GRIK3: variants seen among roughly 807,000 people sequenced by gnomAD.
GRIK3 encodes the protein glutamate ionotropic receptor kainate type subunit 3.
GRIK3 carries 29 observed loss-of-function variants against 102.5 expected under a neutral mutation model. The ratio of observed to expected loss-of-function variants is 0.28; its 90% CI spans 0.21 to 0.39. The LOEUF is 0.39. Ranked by LOEUF, GRIK3 falls within the 10% of genes least tolerant of loss-of-function variation. The pLI, the probability that GRIK3 is intolerant of heterozygous loss-of-function variation, is 1.00. For missense variants in GRIK3, 908 were observed against 1,252.4 expected (o/e 0.73, Z 4.15); for synonymous variants, 511 against 504.9 (o/e 1.01, Z -0.16).
Position 36,890,962 on chromosome 1 carries a change from G to C in GRIK3, c.250C>G (p.Gln84Glu). 1 of 1,613,650 alleles carries C rather than the reference G, an allele frequency of 6.2e-7. No homozygotes were observed. The highest frequency in any genetic ancestry group is 8.5e-7 in the Non-Finnish European group (1 of 1,179,732). ...AAGCTGTCATGGAAGTGAATCCTCT[G>C]TATGTCATAGGTCAAGGTTGTGTTG... ...LPNTTLTYDI[Q>E]RIHFHDSFEA... Residue 84 changes from glutamine (Q) to glutamate (E), a missense_variant, in exon 2 of 16, where the codon CAG becomes GAG. Gln to Glu is a conservative substitution (Grantham distance 29). Transcript: ENST00000373091.
intron 1 of GRIK3, among the ~76,000 whole-genome samples, chr1:36,941,802 A>G (rs2279779): frequency 6.6e-6 from 1 of 152,056 alleles, no homozygotes; most frequent in Non-Finnish European, 1.5e-5. Flanking sequence ...TTTGCTCAAG[A>G]TCATGCAGCT....
intron 10 of GRIK3, among the ~76,000 whole-genome samples, chr1:36,841,453 A>G (rs1640447992): frequency 6.6e-6 from 1 of 152,216 alleles, no homozygotes; most frequent in Admixed American, 6.5e-5. Context: ...GAGCAAGTTC[A>G]TCAAAGATGC....
At chr1:36,808,269 T>C (rs1273800719) in intron 13 of GRIK3, among the ~76,000 whole-genome samples, 1 of 152,236 alleles carries the variant, frequency 6.6e-6, no homozygotes, top group East Asian at 1.9e-4. Context: ...CCCCAGATTC[T>C]CCTGTTGTAG....
intron 14 of GRIK3, 152 bp from the exon 15 acceptor site, chr1:36,805,389 C>T (rs183427473): frequency 2.4e-5 from 17 of 714,406 alleles, no homozygotes; most frequent in East Asian, 1.9e-4. Context: ...TTTAAATCGA[C>T]GCATGGTATC....
At chr1:36,939,420 A>G (rs749195201) in intron 1 of GRIK3, among the ~76,000 whole-genome samples, 3 of 152,236 alleles carry the variant, frequency 2.0e-5, no homozygotes, top group African/African-American at 4.8e-5. Flanking sequence ...CGTTGACACA[A>G]GCTGGCACCA....
chr1:36,880,875 T>C lies in GRIK3; in HGVS notation c.309A>G (p.Ala103=). 6.2e-7 allele frequency: 1 copy of C among 1,608,632 alleles called. No individual in the cohort carries two copies. The highest frequency in any genetic ancestry group is 2.2e-5 in the East Asian group (1 of 44,672). ...EATKKACDQL[A]LGVVAIFGPS... is the part of the protein sequence containing the mutation. ...GGCCGAAGATCGCCACCACGCCCAG[T>C]GCCAGCTGGTCACAGGCTGCAACAG... Residue 103 remains alanine (A), a synonymous_variant, in exon 3 of 16, where the codon GCA becomes GCG. Coordinates refer to ENST00000373091, the MANE Select transcript of GRIK3 (RefSeq NM_000831.4). The surrounding 1 kb of genome is among the most constrained non-coding windows in gnomAD (Gnocchi z 5.4).
At chr1:36,942,011 A>T (rs1641726425) in intron 1 of GRIK3, among the ~76,000 whole-genome samples, 1 of 152,202 alleles carries the variant, frequency 6.6e-6, no homozygotes, top group Non-Finnish European at 1.5e-5. Flanking sequence ...TCATCTGTTT[A>T]TTCAATGAAT....
chr1:36,853,010 G>A (rs1640603297), intron 8 of GRIK3, among the ~76,000 whole-genome samples: 1 of 152,184 alleles, frequency 6.6e-6, no homozygotes, highest in South Asian at 2.1e-4. Context: ...CCCCAGGCAG[G>A]CCCGCTTTCC....
At position 36,847,624 on chromosome 1, in the gene GRIK3, C is replaced by T. The variant is rs529464292; in HGVS notation, c.1326+2687G>A. Among the ~76,000 whole-genome samples the T allele has an allele frequency of 3.9e-4, 59 of 152,282 alleles. 1 individual carries two copies. The highest frequency in any genetic ancestry group is 2.4e-3 in the Admixed American group (37 of 15,302). On this transcript the variant is annotated intron_variant, in intron 9 of 15. Coordinates refer to ENST00000373091, the MANE Select transcript of GRIK3 (RefSeq NM_000831.4). Reference sequence around the variant, plus strand: ...TAACAATAGCAGCTGTCACTTAGACCGCACTCTGTGCCACTTAATTAATCA... The same window carrying T: ...TAACAATAGCAGCTGTCACTTAGACTGCACTCTGTGCCACTTAATTAATCA...
At chr1:36,821,031 C>A (rs1028389535) in intron 11 of GRIK3, among the ~76,000 whole-genome samples, 1 of 152,112 alleles carries the variant, frequency 6.6e-6, no homozygotes, top group African/African-American at 2.4e-5. Context: ...TGAGAGGACA[C>A]ATCTGGAAGG....
intron 1 of GRIK3, among the ~76,000 whole-genome samples, chr1:37,002,084 G>A (rs928096436): frequency 5.3e-5 from 8 of 152,164 alleles, no homozygotes; most frequent in Admixed American, 5.2e-4. Context: ...CCAGCCTCAG[G>A]ACTGCAAAAG....
chr1:36,994,509 G>C (rs1324508646), intron 1 of GRIK3, among the ~76,000 whole-genome samples: 1 of 152,170 alleles, frequency 6.6e-6, no homozygotes, highest in Non-Finnish European at 1.5e-5. Context: ...GTTGTTGTGA[G>C]GATAAGCAAG....
In GRIK3 at chr1:36,880,920, G is replaced by T. The variant is rs774202925; in HGVS notation, c.293-29C>A. ...CAACAGAGGGTAGGGCAGCACAGGG[G>T]TCAGCACTGGGGCTGTGGGTATGGG... On this transcript the variant is annotated intron_variant, in intron 2 of 15. Coordinates refer to ENST00000373091, the MANE Select transcript of GRIK3 (RefSeq NM_000831.4). The surrounding 1 kb of genome is among the most constrained non-coding windows in gnomAD (Gnocchi z 5.4). 1.3e-6 allele frequency: 2 copies of T among 1,573,860 alleles called. No individual in the cohort carries two copies. The highest frequency in any genetic ancestry group is 1.1e-5 in the South Asian group (1 of 87,582).
chr1:36,901,615 A>G (rs1641232608), intron 1 of GRIK3, among the ~76,000 whole-genome samples: 1 of 152,224 alleles, frequency 6.6e-6, no homozygotes. Context: ...AGTTGACATC[A>G]TACATAATAG....
At chr1:36,843,176 G>A (rs924459736) in intron 9 of GRIK3, among the ~76,000 whole-genome samples, 5 of 152,194 alleles carry the variant, frequency 3.3e-5, no homozygotes, top group Non-Finnish European at 5.9e-5. Context: ...TCATCCAGTC[G>A]AGATATGCAG....
At chr1:36,842,891 T>C (rs991353276) in intron 9 of GRIK3, among the ~76,000 whole-genome samples, 1 of 152,178 alleles carries the variant, frequency 6.6e-6, no homozygotes, top group African/African-American at 2.4e-5. Flanking sequence ...GTGCGAGTTC[T>C]GTGCCTGAGG....
In GRIK3 at chr1:36,841,879, C is replaced by G; in HGVS notation, c.1387G>C (p.Glu463Gln). 3 of 1,614,196 alleles carry G rather than the reference C, an allele frequency of 1.9e-6. No homozygotes were observed. The highest frequency in any genetic ancestry group is 2.5e-6 in the Non-Finnish European group (3 of 1,180,032). Residue 463 changes from glutamate (E) to glutamine (Q), a missense_variant, in exon 10 of 16, where the codon GAG becomes CAG. Glu to Gln is a conservative substitution (Grantham distance 29). Coordinates refer to ENST00000373091, the MANE Select transcript of GRIK3 (RefSeq NM_000831.4). Reference protein sequence around the residue: ...DRTLYGNDRFEGYCIDLLKEL... With the variant: ...DRTLYGNDRFQGYCIDLLKEL... ...TTTAGCAGGTCGATGCAGTAGCCCT[C>G]GAACCGGTCATTCCCGTATAGCGTC...
At chr1:36,807,111 T>G (rs551117424) in intron 13 of GRIK3, among the ~76,000 whole-genome samples, 3 of 152,114 alleles carry the variant, frequency 2.0e-5, no homozygotes, top group Non-Finnish European at 4.4e-5. Context: ...CCCCTTCAGC[T>G]ACACCAGAGC....
intron 15 of GRIK3, among the ~76,000 whole-genome samples, chr1:36,802,362 C>T (rs540979566): frequency 6.6e-6 from 1 of 152,192 alleles, no homozygotes; most frequent in African/African-American, 2.4e-5. Context: ...TGCCATTTTT[C>T]TTCACTAGAC....
Sources: gnomAD v4.1 joint callset for allele counts (sites outside exome capture counted in the v4.1 genomes callset) on GRCh38, gnomAD v4.1.1 for gene constraint, Gnocchi (gnomAD v3.1) non-coding constraint, MANE v1.5 for transcripts, NCBI Gene and HGNC (gene_info 2026-07-23, HGNC 2026-07-21) for gene names.